MEIS1: variants seen among roughly 807,000 people sequenced by gnomAD.
The protein encoded by MEIS1 is homeobox protein Meis1.
A neutral mutation model predicts 50.8 loss-of-function variants in MEIS1; 5 were observed. The ratio of observed to expected loss-of-function variants is 0.10; its 90% CI spans 0.05 to 0.21. The LOEUF is 0.21. MEIS1 is among the 10% of genes least tolerant of loss of function. The probability of loss-of-function intolerance (pLI) is 1.00; values close to 1 mark genes in which losing one functional copy is unlikely to be tolerated. For missense variants in MEIS1, 318 were observed against 517.3 expected, an observed-to-expected ratio of 0.61 and a Z score of 3.74; for synonymous variants, 176 against 179.3, an observed-to-expected ratio of 0.98 and a Z score of 0.15.
intron 8 of MEIS1, among the ~76,000 whole-genome samples, chr2:66,523,956 C>G: frequency 6.6e-6 from 1 of 152,138 alleles, no homozygotes; most frequent in East Asian, 1.9e-4. Context: ...AATTTAAATA[C>G]AGTCAAAATG....
chr2:66,552,068 G>T (rs1009215224), intron 9 of MEIS1, among the ~76,000 whole-genome samples: 2 of 150,834 alleles, frequency 1.3e-5, no homozygotes, highest in African/African-American at 4.9e-5. Context: ...ATCAATACTT[G>T]GTTGTTTTTT....
intron 7 of MEIS1, among the ~76,000 whole-genome samples, chr2:66,465,217 T>C (rs1253821540): frequency 6.6e-6 from 1 of 152,170 alleles, no homozygotes; most frequent in African/African-American, 2.4e-5. Context: ...GGAAAGTTAA[T>C]TTTTTTGAGG....
At chr2:66,484,725 A>T (rs919773557) in intron 7 of MEIS1, among the ~76,000 whole-genome samples, 3 of 151,556 alleles carry the variant, frequency 2.0e-5, no homozygotes, top group African/African-American at 4.9e-5. Context: ...CACCTGGCTA[A>T]TTTTTTTTAT....
intron 7 of MEIS1, among the ~76,000 whole-genome samples, chr2:66,490,209 G>T (rs1235158145): frequency 2.0e-5 from 3 of 152,228 alleles, no homozygotes; most frequent in African/African-American, 7.2e-5. Context: ...CCACTTCACA[G>T]TGAAGGGATT....
intron 7 of MEIS1, among the ~76,000 whole-genome samples, chr2:66,473,397 A>AAAAAAAAAAAAAAATATATATATAT: frequency 2.3e-4 from 25 of 107,550 alleles, no homozygotes; most frequent in African/African-American, 4.1e-4. Context: ...AAAAAAAAAA[A>AAAAAAAAAAAAAAATATATATATAT]ATATATATAT....
intron 6 of MEIS1, among the ~76,000 whole-genome samples, chr2:66,447,310 G>T (rs1164660582): frequency 6.6e-6 from 1 of 152,132 alleles, no homozygotes; most frequent in Admixed American, 6.5e-5. Flanking sequence ...TAAATGCTTC[G>T]TAGGTTCCCA....
At chr2:66,517,005 A>G (rs1225594367) in intron 8 of MEIS1, among the ~76,000 whole-genome samples, 1 of 152,200 alleles carries the variant, frequency 6.6e-6, no homozygotes, top group African/African-American at 2.4e-5. Context: ...ACTTACAGGT[A>G]GGCACATGGG....
intron 3 of MEIS1, 99 bp downstream of exon 3, chr2:66,440,083 A>ACACACACACACACC: frequency 2.8e-6 from 3 of 1,088,692 alleles, no homozygotes; most frequent in Non-Finnish European, 3.9e-6. Flanking sequence ...ACACACACAC[A>ACACACACACACACC]CACACACACG....
chr2:66,440,700 G>C lies in MEIS1; in HGVS notation c.432+88G>C. 2 of 914,706 alleles carry C rather than the reference G, an allele frequency of 2.2e-6. 1 individual carries two copies. The highest frequency in any genetic ancestry group is 3.1e-5 in the South Asian group (2 of 63,948). The allele number at this position is 914,706 out of a possible 1,614,324, so 56.7% of individuals were successfully genotyped here. The stretch of plus-strand genomic sequence containing the variant: ...CTCAGCTTTGCTTTGAGAGCCCTGA[G>C]ATTTCTAGACCGGTCTTCCCGTGCC... On this transcript the variant is annotated intron_variant, in intron 4 of 12. Transcript: ENST00000272369.
chr2:66,568,025 C>T (rs772075792), intron 10 of MEIS1: 2 of 182,456 alleles, frequency 1.1e-5, no homozygotes, highest in South Asian at 1.2e-4. Context: ...AGTTAAAACA[C>T]GGGATTCAGG....
intron 6 of MEIS1, among the ~76,000 whole-genome samples, chr2:66,444,291 C>G (rs1672074792): frequency 6.6e-6 from 1 of 152,174 alleles, no homozygotes; most frequent in Admixed American, 6.5e-5. Context: ...GCCAGCTACT[C>G]TGCAAGCTCT....
chr2:66,573,151 T>C lies in MEIS1; in HGVS notation c.*1943T>C, dbSNP rs1484993038. 1 of 152,196 alleles carries C rather than the reference T, an allele frequency of 6.6e-6. No homozygotes were observed. Among genetic ancestry groups the C allele is most frequent in the East Asian group, 1.9e-4 (1 of 5,190 alleles). 9.4% of individuals were successfully genotyped at this position (152,196 alleles called of 1,614,324 possible). ...CTACATGAATTGAAGAGACCAGACT[T>C]CAAAATCTAATTTTTATAAATATGC... On this transcript the variant is annotated 3_prime_UTR_variant, in exon 13 of 13. Coordinates refer to ENST00000272369, the MANE Select transcript of MEIS1 (RefSeq NM_002398.3).
At chr2:66,567,180 T>C (rs748466247) in intron 9 of MEIS1, among the ~76,000 whole-genome samples, 4 of 151,886 alleles carry the variant, frequency 2.6e-5, no homozygotes, top group Admixed American at 1.3e-4. Context: ...CTCTGCTAAT[T>C]CCCCCATGAA....
At chr2:66,562,537 A>T (rs917989892) in intron 9 of MEIS1, among the ~76,000 whole-genome samples, 7 of 152,260 alleles carry the variant, frequency 4.6e-5, no homozygotes, top group African/African-American at 1.7e-4. Context: ...AATTCAAAAT[A>T]AAATTCAATT....
chr2:66,448,033 C>T (rs1175214979), intron 6 of MEIS1, among the ~76,000 whole-genome samples: 1 of 152,150 alleles, frequency 6.6e-6, no homozygotes, highest in Non-Finnish European at 1.5e-5. Flanking sequence ...CCATTGCTCA[C>T]CATTCTGAAA....
At chr2:66,535,139 A>C (rs1674487074) in intron 8 of MEIS1, among the ~76,000 whole-genome samples, 1 of 152,128 alleles carries the variant, frequency 6.6e-6, no homozygotes, top group Admixed American at 6.5e-5. Flanking sequence ...AGTAGAGTGT[A>C]AAGACAACTA....
intron 7 of MEIS1, among the ~76,000 whole-genome samples, chr2:66,493,332 C>A (rs890379226): frequency 4.6e-5 from 7 of 152,116 alleles, no homozygotes; most frequent in African/African-American, 1.7e-4. Context: ...TATTATGATT[C>A]TATCTATAGT....
chr2:66,477,057 A>G (rs553498394), intron 7 of MEIS1, among the ~76,000 whole-genome samples: 4 of 152,134 alleles, frequency 2.6e-5, no homozygotes, highest in Non-Finnish European at 5.9e-5. Context: ...ACAGAGGGTC[A>G]TATTTGTCAT....
intron 8 of MEIS1, among the ~76,000 whole-genome samples, chr2:66,520,190 G>T (rs962556087): frequency 3.0e-4 from 46 of 151,978 alleles, no homozygotes; most frequent in African/African-American, 1.1e-3. Context: ...AGAAAAGCCA[G>T]TTGGCCGGGC....
Sources: gnomAD v4.1 joint callset for allele counts (sites outside exome capture counted in the v4.1 genomes callset) on GRCh38, gnomAD v4.1.1 for gene constraint, MANE v1.5 for transcripts, NCBI Gene and HGNC (gene_info 2026-07-23, HGNC 2026-07-21) for gene names.